The following DTX1 variants were observed in gnomAD, a reference collection of about 807,000 sequenced individuals.
The protein encoded by DTX1 is E3 ubiquitin-protein ligase DTX1.
DTX1 carries 26 observed loss-of-function variants against 57.8 expected under a neutral mutation model. The observed-to-expected ratio is 0.45, with a 90% CI of 0.33 to 0.62. The LOEUF is 0.62. DTX1 is among the 20% of genes least tolerant of loss of function. The probability of loss-of-function intolerance (pLI) is 0.02; values close to 1 mark genes in which losing one functional copy is unlikely to be tolerated. For missense variants in DTX1, 704 were observed against 895.3 expected (o/e 0.79, Z 2.73); for synonymous variants, 398 against 394.1 (o/e 1.01, Z -0.12).
chr12:113,081,236 G>A (rs1468236353), intron 3 of DTX1, among the ~76,000 whole-genome samples: 3 of 152,106 alleles, frequency 2.0e-5, no homozygotes, highest in Admixed American at 1.3e-4. Flanking sequence ...CCAGCTACTG[G>A]GAGGATTGCG....
At position 113,077,473 on chromosome 12, in the gene DTX1, G is replaced by A. The variant is rs1215347941; in HGVS notation, c.309G>A (p.Pro103=). Residue 103 remains proline (P), a synonymous_variant, in exon 3 of 10, where the codon CCG becomes CCA. Coordinates refer to ENST00000548759, the MANE Select transcript of DTX1 (RefSeq NM_004416.3). This position sits in a 1 kb window ranked among gnomAD's most constrained non-coding sequence, Gnocchi z 7.8. ...RRNFYDPSSA[P]GKGIVWEWEN... ...ACTTCTACGACCCGTCGTCGGCGCC[G>A]GGCAAGGGCATCGTGTGGGAGTGGG... 3.1e-6 allele frequency: 5 copies of A among 1,612,690 alleles called. No homozygotes were observed. Among genetic ancestry groups the A allele is most frequent in the African/African-American group, 1.3e-5 (1 of 75,010 alleles).
chr12:113,069,418 T>C (rs925340715), intron 2 of DTX1, among the ~76,000 whole-genome samples: 32 of 152,082 alleles, frequency 2.1e-4, no homozygotes, highest in Non-Finnish European at 4.0e-4. Flanking sequence ...CAGCCTTCCT[T>C]AGGCAGCACT....
chr12:113,059,480 T>C (rs557986499), intron 2 of DTX1, among the ~76,000 whole-genome samples: 10 of 152,240 alleles, frequency 6.6e-5, no homozygotes, highest in Non-Finnish European at 1.0e-4. Context: ...TGGCTGATGA[T>C]GGAGATAAAA....
At chr12:113,062,935 CTG>C (rs1431974616) in intron 2 of DTX1, among the ~76,000 whole-genome samples, 1 of 152,186 alleles carries the variant, frequency 6.6e-6, no homozygotes, top group African/African-American at 2.4e-5. Context: ...GGACTGGAAA[CTG>C]GAGCCCCTCC....
Position 113,095,429 on chromosome 12 carries a change from G to T in DTX1, c.1638+15G>T. The stretch of plus-strand genomic sequence containing the variant: ...AAGGCCGGAAGGTGGGTGCCCAGCC[G>T]TGAGGGCATGGGAGATAGGCACAGG... On this transcript the variant is annotated intron_variant, in intron 9 of 9. Transcript: ENST00000548759. 1.9e-6 allele frequency: 3 copies of T among 1,614,038 alleles called. No individual in the cohort carries two copies. Among genetic ancestry groups the T allele is most frequent in the Non-Finnish European group, 2.5e-6 (3 of 1,180,026 alleles).
Position 113,095,311 on chromosome 12 carries a change from G to A in DTX1, c.1549-14G>A. ...TGTTCATGGTCTAAATCCCTGTACT[G>A]TCCCTCTCTGCAGGGCCCTGAGCAC... is the stretch of plus-strand genomic sequence containing the variant. On this transcript the variant is annotated splice_polypyrimidine_tract_variant and intron_variant, in intron 8 of 9. Transcript: ENST00000548759. The A allele has an allele frequency of 1.9e-6, 3 of 1,613,862 alleles. No individual in the cohort carries two copies. The highest frequency in any genetic ancestry group is 1.3e-5 in the African/African-American group (1 of 74,974).
intron 3 of DTX1, 72 bp downstream of exon 3, chr12:113,078,177 C>A: frequency 8.7e-7 from 1 of 1,150,996 alleles, no homozygotes; most frequent in Middle Eastern, 3.5e-4. Context: ...GGGTGGTTGG[C>A]CACTAGGGCA....
At position 113,096,889 on chromosome 12, in the gene DTX1, C is replaced by T; in HGVS notation, c.1813C>T (p.Leu605=). 2 of 1,613,370 alleles carry T rather than the reference C, an allele frequency of 1.2e-6. No individual in the cohort carries two copies. The highest frequency in any genetic ancestry group is 1.7e-6 in the Non-Finnish European group (2 of 1,180,032). Residue 605 remains leucine (L), a synonymous_variant, in exon 10 of 10, where the codon CTG becomes TTG. Coordinates refer to ENST00000548759, the MANE Select transcript of DTX1 (RefSeq NM_004416.3). ...GGACGCTAGCTACCTAGACAACGTG[C>T]TGGCTGAGCTCACAGCCCAGGGCGT... The part of the protein sequence containing the change: ...YPDASYLDNV[L]AELTAQGVSE...
At chr12:113,069,358 C>T (rs547926649) in intron 2 of DTX1, among the ~76,000 whole-genome samples, 2 of 152,246 alleles carry the variant, frequency 1.3e-5, no homozygotes, top group East Asian at 1.9e-4. Flanking sequence ...CCGCCTCCGC[C>T]TGCCAGCAGC....
intron 3 of DTX1, among the ~76,000 whole-genome samples, chr12:113,089,570 G>A (rs902265284): frequency 3.9e-5 from 6 of 152,172 alleles, no homozygotes; most frequent in Admixed American, 1.3e-4. Flanking sequence ...TCACTGACTC[G>A]GAGGAAACAG....
At position 113,058,268 on chromosome 12, in the gene DTX1, G is replaced by C; in HGVS notation, c.76G>C (p.Val26Leu). 6.2e-7 allele frequency: 1 copy of C among 1,613,800 alleles called. No individual in the cohort carries two copies. The highest frequency in any genetic ancestry group is 8.5e-7 in the Non-Finnish European group (1 of 1,180,010). The change falls in exon 2 of 10, where the codon GTG becomes CTG. Residue 26 changes from valine to leucine, a missense_variant. By Grantham distance (32) the Val-to-Leu change is conservative (BLOSUM62 1). This residue lies in a region of DTX1 where 237 missense variants were observed against 328.6 expected (regional missense o/e 0.72). Transcript: ENST00000548759. The stretch of plus-strand genomic sequence containing the variant: ...CCCACCGCAGAACGTGGCCCGGGTG[G>C]TGGTGTGGGAGTGGCTGAATGAGCA... ...GFPPQNVARV[V>L]VWEWLNEHSR...
Position 113,068,715 on chromosome 12 carries a change from A to G in DTX1, c.260-8709A>G, listed in dbSNP as rs975713981. ...TTGATAGCTGTGGAGCAGAGGAGTG[A>G]CACAGTCCAGCCTTGAGTCTGTGAA... On this transcript the variant is annotated intron_variant, in intron 2 of 9. Transcript: ENST00000548759. 2.0e-5 allele frequency among the ~76,000 whole-genome samples: 3 copies of G among 152,328 alleles called. No individual in the cohort carries two copies. In the East Asian group the frequency reaches 5.8e-4, roughly 29 times the overall value.
In DTX1 at chr12:113,058,017, A is replaced by G; in HGVS notation, c.-176A>G. 9.5e-7 allele frequency: 1 copy of G among 1,055,668 alleles called. No individual in the cohort carries two copies. Among genetic ancestry groups the G allele is most frequent in the Non-Finnish European group, 1.3e-6 (1 of 755,180 alleles). The allele number at this position is 1,055,668 out of a possible 1,614,324, so 65.4% of individuals were successfully genotyped here. A position where few individuals can be genotyped will look rare whatever the true frequency, so the allele number is the denominator to read the frequency against. The stretch of plus-strand genomic sequence containing the variant: ...AGGGGTCTTTGCAGCCTGGATGGCC[A>G]TCCCACATTCCTTTAACGGAGGTCT... On this transcript the variant is annotated 5_prime_UTR_variant, in exon 2 of 10. Transcript: ENST00000548759.
At chr12:113,088,839 TTTGTTGTTG>T (rs34865485) in intron 3 of DTX1, among the ~76,000 whole-genome samples, 1 of 149,764 alleles carries the variant, frequency 6.7e-6, no homozygotes, top group Non-Finnish European at 1.5e-5. Context: ...CCTCAAAAGT[TTTGTTGTTG>T]TTGTTGTTGT....
Position 113,077,683 on chromosome 12 carries a change from G to A in DTX1, c.519G>A (p.Leu173=), listed in dbSNP as rs200546916. The A allele has an allele frequency of 6.0e-4, 941 of 1,561,012 alleles. 6 individuals carry two copies. The African/African-American group carries it at 0.011, about 18-fold the overall frequency. Residue 173 remains leucine, a synonymous_variant, in exon 3 of 10, where the codon CTG becomes CTA. Coordinates refer to ENST00000548759, the MANE Select transcript of DTX1 (RefSeq NM_004416.3). This position sits in a 1 kb window ranked among gnomAD's most constrained non-coding sequence, Gnocchi z 7.8. ...TRRRRRLRRR[L]DLAYPLTVGS... ...GGCGCCGCCGCCTGCGCCGCCGCCT[G>A]GACCTCGCCTACCCGCTCACCGTGG...
At chr12:113,068,041 A>T (rs968379802) in intron 2 of DTX1, among the ~76,000 whole-genome samples, 6 of 152,132 alleles carry the variant, frequency 3.9e-5, no homozygotes, top group African/African-American at 9.7e-5. Context: ...CCTGTCTCAA[A>T]AAATAAATAA....
rs2044641434 is a variant in DTX1 at position 113,058,120 on chromosome 12, C to T, written c.-73C>T. The T allele has an allele frequency of 4.1e-6, 6 of 1,475,642 alleles. No homozygotes were observed. In the South Asian group the frequency reaches 4.1e-5, roughly 10 times the overall value. 91.4% of individuals were successfully genotyped at this position (1,475,642 alleles called of 1,614,324 possible). A position where few individuals can be genotyped will look rare whatever the true frequency, so the allele number is the denominator to read the frequency against. ...GTCCCCCTGGGGAGAGAGGAAGTTG[C>T]CGCCTGCTGCCAGGCCCAGGAGGAG... On this transcript the variant is annotated 5_prime_UTR_variant, in exon 2 of 10. Transcript: ENST00000548759.
At chr12:113,085,471 T>C (rs1164138712) in intron 3 of DTX1, among the ~76,000 whole-genome samples, 4 of 152,258 alleles carry the variant, frequency 2.6e-5, no homozygotes, top group Admixed American at 1.3e-4. Context: ...TGGTTCTTAG[T>C]TGAACCTGAG....
chr12:113,083,988 G>A (rs575165041), intron 3 of DTX1, among the ~76,000 whole-genome samples: 3 of 152,370 alleles, frequency 2.0e-5, no homozygotes, highest in East Asian at 3.9e-4. Flanking sequence ...CAAGGGAGGT[G>A]TGAACTCTGC....
Sources: gnomAD v4.1 joint callset for allele counts (sites outside exome capture counted in the v4.1 genomes callset) on GRCh38, gnomAD v4.1.1 for gene constraint, gnomAD v4.1.1 regional missense constraint, Gnocchi (gnomAD v3.1) non-coding constraint, MANE v1.5 for transcripts, NCBI Gene and HGNC (gene_info 2026-07-23, HGNC 2026-07-21) for gene names.